The following KCNJ10 variants were observed in gnomAD, a reference collection of about 807,000 sequenced individuals.
KCNJ10 encodes the protein ATP-sensitive inward rectifier potassium channel 10.
KCNJ10 carries 9 observed loss-of-function variants against 22.2 expected under a neutral mutation model. The ratio of observed to expected loss-of-function variants is 0.40; its 90% CI spans 0.24 to 0.71. The LOEUF is 0.71. Ranked by LOEUF, KCNJ10 falls within the 30% of genes least tolerant of loss-of-function variation. The pLI is 0.35. For missense variants in KCNJ10, 337 were observed against 482.7 expected (o/e 0.70, Z 2.83); for synonymous variants, 184 against 187.3 (o/e 0.98, Z 0.15).
intron 1 of KCNJ10, among the ~76,000 whole-genome samples, chr1:160,063,060 T>C (rs2101935415): frequency 6.6e-6 from 1 of 152,328 alleles, no homozygotes; most frequent in Non-Finnish European, 1.5e-5. Context: ...GAGCCAGGAC[T>C]AGCTCTTCCC....
At chr1:160,061,698 G>T (rs72704732) in intron 1 of KCNJ10, among the ~76,000 whole-genome samples, 5 of 150,160 alleles carry the variant, frequency 3.3e-5, no homozygotes, top group African/African-American at 9.8e-5. Flanking sequence ...AAGGGCATGG[G>T]GGGGAGGGAC....
chr1:160,055,588 T>C (rs1649008709), intron 1 of KCNJ10, among the ~76,000 whole-genome samples: 1 of 152,210 alleles, frequency 6.6e-6, no homozygotes, highest in Admixed American at 6.5e-5. Context: ...ATTTCCCTTA[T>C]CTGCAAAAGG....
chr1:160,048,693 A>T (rs566465231), intron 1 of KCNJ10, among the ~76,000 whole-genome samples: 6 of 152,370 alleles, frequency 3.9e-5, no homozygotes, highest in Non-Finnish European at 5.9e-5. Context: ...TTCCTAAAAT[A>T]GTTAAAGGGA....
intron 1 of KCNJ10, among the ~76,000 whole-genome samples, chr1:160,047,998 C>T (rs1342794865): frequency 6.6e-6 from 1 of 152,256 alleles, no homozygotes; most frequent in Non-Finnish European, 1.5e-5. Context: ...ACCTGGGCCT[C>T]CCAAAGTGCT....
rs115154790 is a variant in KCNJ10 at position 160,048,611 on chromosome 1, G to A, written c.1-6079C>T. On this transcript the variant is annotated intron_variant, in intron 1 of 1. Coordinates refer to ENST00000644903, the MANE Select transcript of KCNJ10 (RefSeq NM_002241.5). Reference sequence around the variant, plus strand: ...AGCAAGTTGACTGAAAGGAGCTTTGGGATATGAATACTAAATGCATTCACT... The same window carrying A: ...AGCAAGTTGACTGAAAGGAGCTTTGAGATATGAATACTAAATGCATTCACT... Among the ~76,000 whole-genome samples, 1,235 of 152,248 alleles carry A rather than the reference G, an allele frequency of 8.1e-3. 20 individuals carry two copies. The highest frequency in any genetic ancestry group is 0.028 in the African/African-American group (1,153 of 41,548).
At chr1:160,057,201 G>T (rs1387440963) in intron 1 of KCNJ10, among the ~76,000 whole-genome samples, 4 of 152,184 alleles carry the variant, frequency 2.6e-5, no homozygotes, top group Non-Finnish European at 4.4e-5. Flanking sequence ...ATCCTACTTT[G>T]CAGATGAATG....
chr1:160,063,812 C>T (rs1649255522), intron 1 of KCNJ10, among the ~76,000 whole-genome samples: 1 of 152,212 alleles, frequency 6.6e-6, no homozygotes, highest in South Asian at 2.1e-4. Context: ...TCCCTGCCTT[C>T]GGGACAATGC....
intron 1 of KCNJ10, among the ~76,000 whole-genome samples, chr1:160,054,309 T>A (rs1328179660): frequency 6.6e-6 from 1 of 152,124 alleles, no homozygotes; most frequent in Non-Finnish European, 1.5e-5. Context: ...TAGGCAGGGT[T>A]CAACTGAGGA....
At chr1:160,060,479 G>C (rs1188299743) in intron 1 of KCNJ10, among the ~76,000 whole-genome samples, 2 of 152,184 alleles carry the variant, frequency 1.3e-5, no homozygotes, top group Non-Finnish European at 2.9e-5. Flanking sequence ...AAGCATTTTA[G>C]ATGAGGGGAA....
intron 1 of KCNJ10, among the ~76,000 whole-genome samples, chr1:160,053,200 C>A (rs1157006416): frequency 6.6e-6 from 1 of 152,104 alleles, no homozygotes; most frequent in African/African-American, 2.4e-5. Context: ...TCCCACTCCT[C>A]CCCCCGGCCT....
intron 1 of KCNJ10, among the ~76,000 whole-genome samples, chr1:160,044,044 A>G (rs1648681143): frequency 2.0e-5 from 3 of 151,680 alleles, no homozygotes; most frequent in African/African-American, 7.3e-5. Context: ...CCCCATCTCT[A>G]TTTTCCCCAT....
intron 1 of KCNJ10, among the ~76,000 whole-genome samples, chr1:160,059,024 C>A (rs570909691): frequency 6.6e-6 from 1 of 152,326 alleles, no homozygotes; most frequent in African/African-American, 2.4e-5. Flanking sequence ...TCAGGCTTTA[C>A]GGTGCGCCAG....
Position 160,040,746 on chromosome 1 carries a change from G to A in KCNJ10, c.*647C>T, listed in dbSNP as rs1449021752. On this transcript the variant is annotated 3_prime_UTR_variant, in exon 2 of 2. Transcript: ENST00000644903. ...TTCTCTGAGAACAGAGGCTATGAGG[G>A]AACTGGGTATCCTGAGAGTGTTCAC... 9 of 398,468 alleles carry A rather than the reference G, an allele frequency of 2.3e-5. No individual in the cohort carries two copies. Among genetic ancestry groups the A allele is most frequent in the Middle Eastern group, 1.3e-3 (2 of 1,570 alleles). The allele number at this position is 398,468 out of a possible 1,614,324, so 24.7% of individuals were successfully genotyped here.
rs1648521262 is a variant in KCNJ10, at chr1:160,038,181, T to A, written c.*3212A>T. Reference sequence around the variant, plus strand: ...AAAGTGTTCAGCTCCTGAGTTTGATTTCAGGGGCTAGAGCAATAGCAGCTC... The same window carrying A: ...AAAGTGTTCAGCTCCTGAGTTTGATATCAGGGGCTAGAGCAATAGCAGCTC... On this transcript the variant is annotated 3_prime_UTR_variant, in exon 2 of 2. Coordinates refer to ENST00000644903, the MANE Select transcript of KCNJ10 (RefSeq NM_002241.5). The A allele has an allele frequency of 6.6e-6, 1 of 152,264 alleles. No individual in the cohort carries two copies. The allele number at this position is 152,264 out of a possible 1,614,324, so 9.4% of individuals were successfully genotyped here.
At chr1:160,064,777 T>C (rs747489833) in intron 1 of KCNJ10, 5 of 152,330 alleles carry the variant, frequency 3.3e-5, no homozygotes, top group Non-Finnish European at 7.3e-5. Context: ...GGAGTGTGCC[T>C]GGCTCTACCA....
intron 1 of KCNJ10, among the ~76,000 whole-genome samples, chr1:160,043,391 G>A (rs1477709425): frequency 1.3e-5 from 2 of 151,988 alleles, no homozygotes; most frequent in East Asian, 3.8e-4. Context: ...ATCTGGTTCA[G>A]AGAATAGCAG....
At chr1:160,069,709 G>T (rs1339981425) in intron 1 of KCNJ10, among the ~76,000 whole-genome samples, 1 of 152,202 alleles carries the variant, frequency 6.6e-6, no homozygotes, top group Non-Finnish European at 1.5e-5. Context: ...GGTTATGTGT[G>T]GTTGTCACTG....
At chr1:160,068,907 G>A (rs934629260) in intron 1 of KCNJ10, among the ~76,000 whole-genome samples, 1 of 152,100 alleles carries the variant, frequency 6.6e-6, no homozygotes, top group African/African-American at 2.4e-5. Context: ...TCTCACATGG[G>A]GGCCCTAAAT....
At chr1:160,053,542 A>G (rs1648953459) in intron 1 of KCNJ10, among the ~76,000 whole-genome samples, 2 of 152,112 alleles carry the variant, frequency 1.3e-5, no homozygotes, top group Admixed American at 6.6e-5. Context: ...TCTTGCCCCA[A>G]GGAAAATAAA....
Sources: gnomAD v4.1 joint callset for allele counts (sites outside exome capture counted in the v4.1 genomes callset) on GRCh38, gnomAD v4.1.1 for gene constraint, MANE v1.5 for transcripts, NCBI Gene and HGNC (gene_info 2026-07-23, HGNC 2026-07-21) for gene names.